Variants in NDUFAF6 observed in about 807,000 individuals in gnomAD.
NDUFAF6 encodes the protein NADH dehydrogenase (ubiquinone) complex I, assembly factor 6.
NDUFAF6 carries 45 observed loss-of-function variants against 40.8 expected under a neutral mutation model. That is an observed-to-expected ratio of 1.10 (90% CI 0.87 to 1.42). The LOEUF is 1.42. Ranked by LOEUF, NDUFAF6 falls within the 40% of genes most tolerant of loss-of-function variation. The pLI is 0.00. For synonymous variants in NDUFAF6, 185 were observed against 155.9 expected (o/e 1.19, Z -1.39); for missense variants, 435 against 418.5 (o/e 1.04, Z -0.34).
chr8:95,007,661 T>G lies in NDUFAF6; in HGVS notation c.-83-24334T>G, dbSNP rs976598701. Among the ~76,000 whole-genome samples, 756 of 136,956 alleles carry G rather than the reference T, an allele frequency of 5.5e-3. 4 individuals carry two copies. Among genetic ancestry groups the G allele is most frequent in the African/African-American group, 0.021 (716 of 33,546 alleles). 89.8% of individuals were successfully genotyped at this position (136,956 alleles called of 152,430 possible). A position where few individuals can be genotyped will look rare whatever the true frequency, so the allele number is the denominator to read the frequency against. Reference sequence around the variant, plus strand: ...CCTGGGCAACAGTGTGAGGCTCTGTTTTTTTTTTTTTTTTTTTTTTTAATC... The same window carrying G: ...CCTGGGCAACAGTGTGAGGCTCTGTGTTTTTTTTTTTTTTTTTTTTTAATC... On this transcript the variant is annotated intron_variant, in intron 2 of 9. Coordinates refer to the NDUFAF6 transcript ENST00000396111.
chr8:94,943,291 C>T (rs981981417), intron 1 of NDUFAF6, among the ~76,000 whole-genome samples: 2 of 152,062 alleles, frequency 1.3e-5, no homozygotes, highest in Non-Finnish European at 2.9e-5. Flanking sequence ...GAGTTGGAGA[C>T]CAGCCTAGGC....
upstream of NDUFAF6, among the ~76,000 whole-genome samples, chr8:95,098,434 G>A (rs915877433): frequency 1.6e-4 from 24 of 152,162 alleles, no homozygotes; most frequent in Non-Finnish European, 7.3e-5. Context: ...TTGGGAGGCC[G>A]AGGCGGGCAG....
intron 2 of NDUFAF6, chr8:94,949,286 C>CA (rs1458492536): frequency 6.6e-6 from 1 of 150,902 alleles, no homozygotes. Context: ...TTCAGGTACC[C>CA]AGACGGCAGG....
chr8:95,056,642 C>T (rs1832187427), intron 8 of NDUFAF6, among the ~76,000 whole-genome samples: 1 of 151,988 alleles, frequency 6.6e-6, no homozygotes, highest in Non-Finnish European at 1.5e-5. Context: ...TGCGGTGGCT[C>T]ATGCCTGTAA....
rs1200164072 is a variant in NDUFAF6 at position 95,004,369 on chromosome 8, T to TC, written c.-84+23396_-84+23397insC. Among the ~76,000 whole-genome samples, 1,248 of 137,318 alleles carry TC rather than the reference T, an allele frequency of 9.1e-3. 13 individuals are homozygous for TC. The highest frequency in any genetic ancestry group is 0.03 in the African/African-American group (1,187 of 39,154). 90.1% of individuals were successfully genotyped at this position (137,318 alleles called of 152,430 possible). ...CATTACTTTTTTTTTTTTTTTTTTT[T>TC]TTTGAGACCGGGTCTTGCTGTGTCA... On this transcript the variant is annotated intron_variant, in intron 2 of 9. Coordinates refer to the NDUFAF6 transcript ENST00000396111.
downstream of NDUFAF6, among the ~76,000 whole-genome samples, chr8:95,106,301 C>G (rs558549209): frequency 4.0e-5 from 6 of 149,634 alleles, no homozygotes; most frequent in African/African-American, 1.5e-4. Context: ...GTGTATGGAA[C>G]AGAATAGGGG....
intron 1 of NDUFAF6, chr8:94,927,788 T>C (rs1175401268): frequency 1.3e-5 from 2 of 152,608 alleles, no homozygotes; most frequent in Non-Finnish European, 2.9e-5. Flanking sequence ...TTCCAGACTT[T>C]TTCCAAGTAA....
intron 3 of NDUFAF6, among the ~76,000 whole-genome samples, chr8:95,038,864 G>A (rs1829814849): frequency 6.6e-6 from 1 of 151,014 alleles, no homozygotes; most frequent in African/African-American, 2.4e-5. Context: ...TTTTAGTAGA[G>A]ACGGGGTTGT....
chr8:95,022,914 T>TGA (rs137924233), upstream of NDUFAF6, among the ~76,000 whole-genome samples: 1,326 of 150,026 alleles, frequency 8.8e-3, 7 homozygotes, highest in African/African-American at 0.021. Flanking sequence ...GAGTAAGTGA[T>TGA]GAGAGAGAGA....
rs183886419 is a variant in NDUFAF6, at chr8:94,949,643, C to A, written c.-799+4024C>A. Among the ~76,000 whole-genome samples the A allele has an allele frequency of 2.7e-3, 412 of 152,128 alleles. 3 individuals carry two copies. The highest frequency in any genetic ancestry group is 9.3e-3 in the African/African-American group (386 of 41,508). On this transcript the variant is annotated intron_variant, in intron 2 of 14. Coordinates refer to the NDUFAF6 transcript ENST00000396113. ...AGGCCGGGGAGGGAAGCGCTGGGGC[C>A]GGGGCCGGCTTTCCAGGAGCCGGCG...
chr8:95,107,057 A>G (rs1809861443), downstream of NDUFAF6, among the ~76,000 whole-genome samples: 1 of 152,250 alleles, frequency 6.6e-6, no homozygotes, highest in South Asian at 2.1e-4. Context: ...TAGTTCAATC[A>G]TTGTGGAAGA....
chr8:95,072,359 T>C (rs930373005), intron 9 of NDUFAF6, among the ~76,000 whole-genome samples: 7 of 152,234 alleles, frequency 4.6e-5, no homozygotes, highest in African/African-American at 1.7e-4. Flanking sequence ...TCCTTTATAC[T>C]GGTATACACT....
At chr8:94,962,417 C>T (rs1823651271) in intron 1 of NDUFAF6, among the ~76,000 whole-genome samples, 1 of 152,070 alleles carries the variant, frequency 6.6e-6, no homozygotes, top group African/African-American at 2.4e-5. Context: ...CTCAGCCTCC[C>T]AAGTAGCTAG....
chr8:95,039,924 C>G (rs115625603), intron 3 of NDUFAF6, among the ~76,000 whole-genome samples: 3 of 152,176 alleles, frequency 2.0e-5, no homozygotes, highest in Non-Finnish European at 4.4e-5. Context: ...TCACTGTGCC[C>G]GGCCAGAACA....
At chr8:95,079,764 G>T (rs1426698592), downstream of NDUFAF6, among the ~76,000 whole-genome samples, 1 of 151,354 alleles carries the variant, frequency 6.6e-6, no homozygotes, top group Non-Finnish European at 1.5e-5. Flanking sequence ...GCCTAGGCTG[G>T]AGTACAGTGC....
chr8:94,994,251 G>A (rs569856469), intron 2 of NDUFAF6, among the ~76,000 whole-genome samples: 1 of 152,200 alleles, frequency 6.6e-6, no homozygotes, highest in African/African-American at 2.4e-5. Flanking sequence ...GGCCTTGAAA[G>A]CCATGTTAAA....
chr8:95,033,789 C>T (rs2131791234), intron 2 of NDUFAF6, among the ~76,000 whole-genome samples: 1 of 152,268 alleles, frequency 6.6e-6, no homozygotes, highest in South Asian at 2.1e-4. Context: ...ACAGCGAGTG[C>T]AGTCTCTAAG....
intron 2 of NDUFAF6, among the ~76,000 whole-genome samples, chr8:94,986,872 C>T (rs1825934301): frequency 6.6e-6 from 1 of 152,190 alleles, no homozygotes; most frequent in Non-Finnish European, 1.5e-5. Context: ...TATTTGGCCA[C>T]TGTATATATT....
intron 9 of NDUFAF6, among the ~76,000 whole-genome samples, chr8:95,075,210 C>G (rs1832993229): frequency 6.6e-6 from 1 of 152,158 alleles, no homozygotes; most frequent in South Asian, 2.1e-4. Flanking sequence ...TAAAATGGAG[C>G]AATACACCAG....
Sources: allele counts gnomAD v4.1 joint callset (sites outside exome capture counted in the v4.1 genomes callset), GRCh38; gene constraint gnomAD v4.1.1; transcripts MANE v1.5; gene names NCBI Gene and HGNC (gene_info 2026-07-23, HGNC 2026-07-21).